USP3: variants seen among roughly 807,000 people sequenced by gnomAD.
USP3 encodes ubiquitin specific peptidase 3.
A neutral mutation model predicts 72.3 loss-of-function variants in USP3; 20 were observed. That is an observed-to-expected ratio of 0.28 (90% CI 0.19 to 0.40). The LOEUF (loss-of-function observed/expected upper bound fraction) is 0.40, where lower values mean the gene tolerates loss of function less well. Among genes scored for constraint, USP3 ranks in the 10% least tolerant of loss-of-function variants. The pLI is 1.00. For missense variants in USP3, 479 were observed against 633.9 expected (o/e 0.76, Z 2.62); for synonymous variants, 222 against 225.3 (o/e 0.99, Z 0.13).
intron 1 of USP3, 106 bp downstream of exon 1, chr15:63,504,936 C>A: frequency 1.2e-6 from 1 of 867,368 alleles, no homozygotes; most frequent in Non-Finnish European, 1.5e-6. Context: ...CGGGGAGGGG[C>A]GAGGGCGAGC....
chr15:63,590,927 T>A lies in USP3; in HGVS notation c.*101T>A, dbSNP rs186257718. On this transcript the variant is annotated 3_prime_UTR_variant, in exon 15 of 15. Coordinates refer to ENST00000380324, the MANE Select transcript of USP3 (RefSeq NM_006537.4). ...TTTAATTTCATTATGCACTTTTCAA[T>A]TTCCTATTTTGGATTTAGTTTTGTC... 3.7e-4 allele frequency: 505 copies of A among 1,374,268 alleles called. No individual in the cohort carries two copies. In the Middle Eastern group the frequency reaches 3.8e-3, roughly 10 times the overall value. 85.1% of individuals were successfully genotyped at this position (1,374,268 alleles called of 1,614,324 possible). A position where few individuals can be genotyped will look rare whatever the true frequency, so the allele number is the denominator to read the frequency against.
chr15:63,571,745 T>G (rs1016015850), intron 9 of USP3, among the ~76,000 whole-genome samples: 11 of 152,226 alleles, frequency 7.2e-5, no homozygotes, highest in African/African-American at 2.7e-4. Context: ...CAGAATGTTC[T>G]TTTAGTGCCT....
intron 1 of USP3, among the ~76,000 whole-genome samples, chr15:63,524,919 C>T (rs2065961925): frequency 6.6e-6 from 1 of 152,174 alleles, no homozygotes; most frequent in East Asian, 1.9e-4. Context: ...GACATAGACC[C>T]TGTCTCTCCA....
chr15:63,563,018 A>G lies in USP3; in HGVS notation c.761+10A>G. The G allele has an allele frequency of 6.4e-7, 1 of 1,560,194 alleles. No homozygotes were observed. Among genetic ancestry groups the G allele is most frequent in the Non-Finnish European group, 8.8e-7 (1 of 1,142,166 alleles). ...TTATGCCAAACTTTAGGTAAGTATT[A>G]TATGAAGATATTTTTAAACATTAAT... On this transcript the variant is annotated intron_variant, in intron 8 of 14. Coordinates refer to ENST00000380324, the MANE Select transcript of USP3 (RefSeq NM_006537.4).
In USP3 at chr15:63,588,879, G is replaced by C. The variant is rs2067127808; in HGVS notation, c.1329+64G>C. The C allele has an allele frequency of 6.2e-7, 1 of 1,610,330 alleles. No individual in the cohort carries two copies. Among genetic ancestry groups the C allele is most frequent in the African/African-American group, 1.3e-5 (1 of 74,960 alleles). On this transcript the variant is annotated intron_variant, in intron 13 of 14. Coordinates refer to ENST00000380324, the MANE Select transcript of USP3 (RefSeq NM_006537.4). The surrounding 1 kb of genome is among the most constrained non-coding windows in gnomAD (Gnocchi z 4.6). ...TCTTCAGTAAGATTGTCATCACATGGAGAGGGTAGAGGTCATCGAGATACT... is the reference window on the plus strand; with the variant it reads ...TCTTCAGTAAGATTGTCATCACATGCAGAGGGTAGAGGTCATCGAGATACT...
chr15:63,590,228 G>A (rs530670283), intron 14 of USP3, among the ~76,000 whole-genome samples: 15 of 152,108 alleles, frequency 9.9e-5, no homozygotes, highest in African/African-American at 3.6e-4. Context: ...CAGGCCTTCC[G>A]TCTGACTTGG....
intron 1 of USP3, among the ~76,000 whole-genome samples, chr15:63,532,153 G>A (rs2066085743): frequency 6.6e-6 from 1 of 152,054 alleles, no homozygotes; most frequent in Non-Finnish European, 1.5e-5. Flanking sequence ...TATATTTTAT[G>A]CAACTAAGAA....
chr15:63,529,110 TGCCTCA>T lies in USP3; in HGVS notation c.92-3531_92-3526del. The T allele has an allele frequency of 7.4e-6, 9 of 1,219,218 alleles. No individual in the cohort carries two copies. Among genetic ancestry groups the T allele is most frequent in the Non-Finnish European group, 8.6e-6 (8 of 925,060 alleles). The allele number at this position is 1,219,218 out of a possible 1,614,324, so 75.5% of individuals were successfully genotyped here. ...GAACTCTAGGCTCAAGTGATTCTTC[TGCCTCA>T]GCCTCCCAAGTAGCTGGGACTACAG... is the stretch of plus-strand genomic sequence containing the variant. On this transcript the variant is annotated intron_variant, in intron 1 of 14. Transcript: ENST00000380324. This position sits in a 1 kb window ranked among gnomAD's most constrained non-coding sequence, Gnocchi z 4.2.
intron 8 of USP3, among the ~76,000 whole-genome samples, chr15:63,567,974 T>C (rs1250556271): frequency 2.0e-5 from 3 of 152,186 alleles, no homozygotes; most frequent in African/African-American, 7.2e-5. Flanking sequence ...CCCCAGTGAT[T>C]TGTCACAGCA....
chr15:63,585,241 T>C (rs1339277868), intron 11 of USP3, among the ~76,000 whole-genome samples: 1 of 152,176 alleles, frequency 6.6e-6, no homozygotes, highest in Non-Finnish European at 1.5e-5. Context: ...AGTTTCAGGA[T>C]GGGTTTTCTA....
intron 1 of USP3, among the ~76,000 whole-genome samples, chr15:63,508,121 A>C (rs761632934): frequency 2.0e-5 from 3 of 152,152 alleles, no homozygotes; most frequent in Non-Finnish European, 4.4e-5. Context: ...ACTGTAAACA[A>C]AAGTAACATC....
chr15:63,513,145 G>T (rs1426489350), intron 1 of USP3, among the ~76,000 whole-genome samples: 3 of 152,076 alleles, frequency 2.0e-5, no homozygotes, highest in African/African-American at 7.2e-5. Context: ...GTTCTAGCTG[G>T]GTTTAAGACA....
rs558833596 is a variant in USP3 at position 63,542,064 on chromosome 15, G to A, written c.284+4908G>A. The A allele has an allele frequency of 2.8e-3, 2,776 of 985,202 alleles. 5 individuals carry two copies. Among genetic ancestry groups the A allele is most frequent in the Admixed American group, 3.8e-3 (62 of 16,272 alleles). The allele number at this position is 985,202 out of a possible 1,614,324, so 61.0% of individuals were successfully genotyped here. The stretch of plus-strand genomic sequence containing the variant: ...TTCCTCCTTGTTTCAGATGAGTGAA[G>A]AATGGTTTGCTTTGGGAATATTTTC... On this transcript the variant is annotated intron_variant, in intron 3 of 14. Coordinates refer to ENST00000380324, the MANE Select transcript of USP3 (RefSeq NM_006537.4).
At chr15:63,534,028 C>A in intron 2 of USP3, 1 of 268,102 alleles carries the variant, frequency 3.7e-6, no homozygotes, top group Non-Finnish European at 5.8e-6. Flanking sequence ...ACCTGACAAA[C>A]TCAAAAATTA....
At position 63,573,955 on chromosome 15, in the gene USP3, T is replaced by G. The variant is rs1008457300; in HGVS notation, c.909-91T>G. On this transcript the variant is annotated intron_variant, in intron 9 of 14. Coordinates refer to ENST00000380324, the MANE Select transcript of USP3 (RefSeq NM_006537.4). Reference sequence around the variant, plus strand: ...AAATATTCCCTCAAAGGCAGTCATCTGTAGGGGCTTTAACAAATATTTGTA... The same window carrying G: ...AAATATTCCCTCAAAGGCAGTCATCGGTAGGGGCTTTAACAAATATTTGTA... 6.4e-6 allele frequency: 5 copies of G among 785,756 alleles called. No homozygotes were observed. In the African/African-American group the frequency reaches 8.9e-5, roughly 14 times the overall value. 48.7% of individuals were successfully genotyped at this position (785,756 alleles called of 1,614,324 possible).
chr15:63,581,920 A>C (rs536078530), intron 11 of USP3, among the ~76,000 whole-genome samples: 1 of 150,948 alleles, frequency 6.6e-6, no homozygotes, highest in South Asian at 2.1e-4. Context: ...CCTAGGCTCA[A>C]ATGATCCTCC....
At chr15:63,587,307 G>C (rs974238175) in intron 11 of USP3, among the ~76,000 whole-genome samples, 2 of 152,006 alleles carry the variant, frequency 1.3e-5, no homozygotes, top group African/African-American at 4.8e-5. Context: ...TCCAAGTGTG[G>C]GGTCCATAGG....
At position 63,532,654 on chromosome 15, in the gene USP3, G is replaced by A; in HGVS notation, c.99G>A (p.Arg33=). 1 of 1,613,922 alleles carries A rather than the reference G, an allele frequency of 6.2e-7. No homozygotes were observed. The highest frequency in any genetic ancestry group is 8.5e-7 in the Non-Finnish European group (1 of 1,179,910). ...SPSSWCCSVC[R]SNKSPWVCLT... ...TATTTTTCTTTTTATTAGTGTGCCGGTCCAACAAAAGCCCTTGGGTCTGTT... is the reference window on the plus strand; with the variant it reads ...TATTTTTCTTTTTATTAGTGTGCCGATCCAACAAAAGCCCTTGGGTCTGTT... Residue 33 remains arginine, a synonymous_variant, in exon 2 of 15, where the codon CGG becomes CGA. Coordinates refer to ENST00000380324, the MANE Select transcript of USP3 (RefSeq NM_006537.4).
At position 63,588,433 on chromosome 15, in the gene USP3, G is replaced by C. The variant is rs768280580; in HGVS notation, c.1215+10G>C. On this transcript the variant is annotated intron_variant, in intron 12 of 14. Coordinates refer to ENST00000380324, the MANE Select transcript of USP3 (RefSeq NM_006537.4). The surrounding 1 kb of genome is among the most constrained non-coding windows in gnomAD (Gnocchi z 4.6). Reference sequence around the variant, plus strand: ...TCAAAAACTACCCAAGGTGAGTGTTGAATTTTGAGTTATGAAGCAATTTCA... The same window carrying C: ...TCAAAAACTACCCAAGGTGAGTGTTCAATTTTGAGTTATGAAGCAATTTCA... 6.3e-7 allele frequency: 1 copy of C among 1,576,828 alleles called. No homozygotes were observed. Among genetic ancestry groups the C allele is most frequent in the Admixed American group, 1.9e-5 (1 of 53,822 alleles).
Sources: gnomAD v4.1 joint callset for allele counts (sites outside exome capture counted in the v4.1 genomes callset) on GRCh38, gnomAD v4.1.1 for gene constraint, Gnocchi (gnomAD v3.1) non-coding constraint, MANE v1.5 for transcripts, NCBI Gene and HGNC (gene_info 2026-07-23, HGNC 2026-07-21) for gene names.